Variants in TOGARAM1 observed in about 807,000 individuals in gnomAD.
TOGARAM1 encodes TOG array regulator of axonemal microtubules protein 1.
Under a neutral mutation model 166.6 loss-of-function variants are expected in TOGARAM1, and 100 were observed. The ratio of observed to expected loss-of-function variants is 0.60; its 90% confidence interval spans 0.51 to 0.71. The LOEUF (loss-of-function observed/expected upper bound fraction) is 0.71, where lower values mean the gene tolerates loss of function less well. TOGARAM1 is among the 30% of genes least tolerant of loss of function. TOGARAM1 has a pLI of 0.00. For synonymous variants in TOGARAM1, 758 were observed against 763.8 expected (o/e 0.99, Z 0.13); for missense variants, 2,029 against 2,102.7 (o/e 0.96, Z 0.69).
rs373864283 is a variant in TOGARAM1, at chr14:44,980,095, A to G, written c.2046+15628A>G. Among the ~76,000 whole-genome samples the G allele has an allele frequency of 1.4e-4, 21 of 152,286 alleles. No homozygotes were observed. The East Asian group carries it at 3.7e-3, about 27-fold the overall frequency. On this transcript the variant is annotated intron_variant, in intron 1 of 19. Transcript: ENST00000361462. ...AAGACTCCACATAGCAGGTCTCAGT[A>G]CTTCCTTTTATGTATGTCACATATT... is the stretch of plus-strand genomic sequence containing the variant.
intron 7 of TOGARAM1, among the ~76,000 whole-genome samples, chr14:45,018,082 G>T (rs1205157002): frequency 6.6e-6 from 1 of 152,068 alleles, no homozygotes; most frequent in Non-Finnish European, 1.5e-5. Flanking sequence ...AAGTAATTGT[G>T]GCTTTTGCCA....
Position 44,986,734 on chromosome 14 carries a change from C to T in TOGARAM1, c.2047-9012C>T, listed in dbSNP as rs1459417661. On this transcript the variant is annotated intron_variant, in intron 1 of 19. Coordinates refer to ENST00000361462, the MANE Select transcript of TOGARAM1 (RefSeq NM_001308120.2). ...AAAACTAACCTGTGTTGGCTGGGCGCGGTGGCTCGAGCCTGTAATCCCAGC... is the reference window on the plus strand; with the variant it reads ...AAAACTAACCTGTGTTGGCTGGGCGTGGTGGCTCGAGCCTGTAATCCCAGC... 4.6e-5 allele frequency among the ~76,000 whole-genome samples: 7 copies of T among 150,820 alleles called. No individual in the cohort carries two copies. In the East Asian group the frequency reaches 1.2e-3, roughly 26 times the overall value.
chr14:45,037,608 CATATA>C (rs1171895909), intron 11 of TOGARAM1, among the ~76,000 whole-genome samples: 2 of 152,006 alleles, frequency 1.3e-5, no homozygotes, highest in Non-Finnish European at 2.9e-5. Flanking sequence ...GTTTATTTAC[CATATA>C]ATATTGCTTG....
intron 17 of TOGARAM1, among the ~76,000 whole-genome samples, chr14:45,067,664 A>G (rs1164842573): frequency 6.6e-6 from 1 of 152,138 alleles, no homozygotes; most frequent in Non-Finnish European, 1.5e-5. Context: ...GAAAAGAACC[A>G]TATTACCATG....
rs571041888 is a variant in TOGARAM1, at chr14:45,014,965, C to T, written c.3238+2890C>T. Among the ~76,000 whole-genome samples the T allele has an allele frequency of 2.0e-5, 3 of 152,240 alleles. No homozygotes were observed. In the East Asian group the frequency reaches 5.8e-4, roughly 29 times the overall value. ...TCTAGCTTGTTGCCCCAGCTACCTC[C>T]TCTTCCTACCTTCCTGTTTTTATTC... is the stretch of plus-strand genomic sequence containing the variant. On this transcript the variant is annotated intron_variant, in intron 7 of 19. Coordinates refer to ENST00000361462, the MANE Select transcript of TOGARAM1 (RefSeq NM_001308120.2).
intron 1 of TOGARAM1, among the ~76,000 whole-genome samples, chr14:44,976,374 G>T (rs1419669891): frequency 6.6e-6 from 1 of 152,066 alleles, no homozygotes; most frequent in Non-Finnish European, 1.5e-5. Flanking sequence ...TGCCTTATCT[G>T]AAGTCTTCTT....
intron 14 of TOGARAM1, among the ~76,000 whole-genome samples, chr14:45,050,249 A>G (rs1012320605): frequency 1.3e-5 from 2 of 151,874 alleles, no homozygotes; most frequent in African/African-American, 4.8e-5. Flanking sequence ...TCACGTTGAG[A>G]TATGTGATCT....
At chr14:45,060,431 G>T (rs1463347403) in intron 16 of TOGARAM1, among the ~76,000 whole-genome samples, 4 of 151,786 alleles carry the variant, frequency 2.6e-5, no homozygotes, top group Admixed American at 1.3e-4. Context: ...GGCCAGACTG[G>T]TCTTGAACCC....
chr14:44,976,153 T>C (rs904723413), intron 1 of TOGARAM1, among the ~76,000 whole-genome samples: 3 of 152,208 alleles, frequency 2.0e-5, no homozygotes, highest in African/African-American at 7.2e-5. Context: ...ACATCTTTCA[T>C]TGGCTCCAAC....
At chr14:45,061,150 T>A (rs977184447) in intron 16 of TOGARAM1, among the ~76,000 whole-genome samples, 2 of 152,260 alleles carry the variant, frequency 1.3e-5, no homozygotes, top group South Asian at 4.1e-4. Context: ...TATGCAAATA[T>A]TCATTTATAT....
At chr14:44,993,316 CAAAA>C (rs1246786443) in intron 1 of TOGARAM1, among the ~76,000 whole-genome samples, 2 of 145,740 alleles carry the variant, frequency 1.4e-5, no homozygotes, top group East Asian at 2.0e-4. Flanking sequence ...AAAACAAAAA[CAAAA>C]AAAGATTGAA....
intron 18 of TOGARAM1, 93 bp from the exon 19 acceptor site, chr14:45,071,619 G>T (rs1883386107): frequency 3.8e-6 from 3 of 779,984 alleles, no homozygotes; most frequent in Non-Finnish European, 6.2e-6. Flanking sequence ...CATCCTAGAA[G>T]TGATTTTTTT....
chr14:45,002,144 C>G (rs1233489370), intron 3 of TOGARAM1, among the ~76,000 whole-genome samples: 1 of 152,004 alleles, frequency 6.6e-6, no homozygotes, highest in Non-Finnish European at 1.5e-5. Flanking sequence ...CCCCAAAGAC[C>G]CACATAACTC....
intron 3 of TOGARAM1, among the ~76,000 whole-genome samples, chr14:45,003,783 A>G (rs1185233319): frequency 1.3e-5 from 2 of 152,196 alleles, no homozygotes; most frequent in African/African-American, 4.8e-5. Flanking sequence ...GTATATGTAT[A>G]CATATACATG....
At chr14:45,047,896 A>G (rs1256242644) in intron 14 of TOGARAM1, among the ~76,000 whole-genome samples, 2 of 151,838 alleles carry the variant, frequency 1.3e-5, no homozygotes, top group East Asian at 3.9e-4. Context: ...CCTCTACTCA[A>G]AATATAAAAA....
At chr14:45,052,346 T>C in intron 14 of TOGARAM1, 90 bp from the exon 15 acceptor site, 1 of 1,090,576 alleles carries the variant, frequency 9.2e-7, no homozygotes, top group Non-Finnish European at 1.3e-6. Context: ...TGATAGGTGT[T>C]TTTTTTCTAT....
In TOGARAM1 at chr14:45,059,998, C is replaced by T. The variant is rs545664626; in HGVS notation, c.4559+5449C>T. 5.6e-4 allele frequency among the ~76,000 whole-genome samples: 84 copies of T among 150,940 alleles called. 1 individual carries two copies. In the South Asian group the frequency reaches 0.017, roughly 31 times the overall value. On this transcript the variant is annotated intron_variant, in intron 16 of 19. Coordinates refer to ENST00000361462, the MANE Select transcript of TOGARAM1 (RefSeq NM_001308120.2). ...CGTGATCTCGGCTCACTGCAAGCTC[C>T]GTCTCCCAGGTTCATGCCATTCGCC...
chr14:45,011,823 A>G (rs1879817931), intron 6 of TOGARAM1, 152 bp from the exon 7 acceptor site: 1 of 548,536 alleles, frequency 1.8e-6, no homozygotes, highest in Admixed American at 3.6e-5. Flanking sequence ...ATACACACAC[A>G]CTGTTAGCCA....
chr14:44,983,989 A>C (rs1156370747), intron 1 of TOGARAM1, among the ~76,000 whole-genome samples: 1 of 152,212 alleles, frequency 6.6e-6, no homozygotes, highest in Non-Finnish European at 1.5e-5. Flanking sequence ...CATTTGTTTT[A>C]GTCACCTTGC....
Sources: allele counts gnomAD v4.1 joint callset (sites outside exome capture counted in the v4.1 genomes callset), GRCh38; gene constraint gnomAD v4.1.1; transcripts MANE v1.5; gene names NCBI Gene and HGNC (gene_info 2026-07-23, HGNC 2026-07-21).